The following ZNF766 variants were observed in gnomAD, a reference collection of about 807,000 sequenced individuals.
ZNF766 encodes the protein zinc finger protein 766.
In ZNF766, 13 loss-of-function variants were observed where a neutral mutation model predicts 13.2. The observed-to-expected ratio is 0.98, with a 90% confidence interval of 0.64 to 1.56. ZNF766 has a LOEUF of 1.56. Among genes scored for constraint, ZNF766 ranks in the 40% most tolerant of loss-of-function variants. The probability of loss-of-function intolerance (pLI) is 0.00; values close to 1 mark genes in which losing one functional copy is unlikely to be tolerated. For synonymous variants in ZNF766, 178 were observed against 187.6 expected (o/e 0.95, Z 0.42); for missense variants, 521 against 552.2 (o/e 0.94, Z 0.57).
At chr19:52,286,099 T>G in intron 3 of ZNF766, among the ~76,000 whole-genome samples, 1 of 134,756 alleles carries the variant, frequency 7.4e-6, no homozygotes, top group African/African-American at 2.8e-5. Flanking sequence ...TTAAATGATA[T>G]AAGACCAGAG....
chr19:52,287,125 G>A (rs1030324399), intron 3 of ZNF766, among the ~76,000 whole-genome samples: 4 of 150,218 alleles, frequency 2.7e-5, no homozygotes, highest in South Asian at 2.1e-4. Context: ...GTGAGCCACC[G>A]TGCCCGACCT....
chr19:52,273,255 G>A (rs991625041), intron 1 of ZNF766, among the ~76,000 whole-genome samples: 3 of 152,126 alleles, frequency 2.0e-5, no homozygotes, highest in African/African-American at 7.2e-5. Context: ...TGATCTGCCC[G>A]CCTTGGCCTC....
chr19:52,273,878 C>T (rs1568615999), intron 1 of ZNF766, among the ~76,000 whole-genome samples: 2 of 152,206 alleles, frequency 1.3e-5, no homozygotes, highest in Non-Finnish European at 2.9e-5. Flanking sequence ...TGCAGATACA[C>T]ATCTTGTGCC....
intron 2 of ZNF766, chr19:52,282,451 A>C (rs1981577917): frequency 2.7e-6 from 1 of 365,698 alleles, no homozygotes; most frequent in East Asian, 7.1e-5. Context: ...ACCTGACCAA[A>C]ATGATAAAAC....
chr19:52,294,308 C>T lies in ZNF766; in HGVS notation c.*3110C>T, dbSNP rs893789839. The T allele has an allele frequency of 6.6e-6, 1 of 152,194 alleles. No individual in the cohort carries two copies. The highest frequency in any genetic ancestry group is 2.4e-5 in the African/African-American group (1 of 41,454). 9.4% of individuals were successfully genotyped at this position (152,194 alleles called of 1,614,324 possible). On this transcript the variant is annotated 3_prime_UTR_variant, in exon 4 of 4. Transcript: ENST00000439461. Reference sequence around the variant, plus strand: ...GCTTTGGTAGATTAACTAGAAACTTCACATTTTCACCCTTATAACCTTTTT... The same window carrying T: ...GCTTTGGTAGATTAACTAGAAACTTTACATTTTCACCCTTATAACCTTTTT...
rs1166742156 is a variant in ZNF766 at position 52,295,740 on chromosome 19, G to A, written c.*4542G>A. On this transcript the variant is annotated 3_prime_UTR_variant, in exon 4 of 4. Transcript: ENST00000439461. Reference sequence around the variant, plus strand: ...TTTATTTTATTATTTATTTTTTTGAGATGGAGTTTCACTCTTGTTGCCTAA... The same window carrying A: ...TTTATTTTATTATTTATTTTTTTGAAATGGAGTTTCACTCTTGTTGCCTAA... 2.6e-5 allele frequency: 4 copies of A among 151,844 alleles called. No individual in the cohort carries two copies. The highest frequency in any genetic ancestry group is 5.9e-5 in the Non-Finnish European group (4 of 68,014). 9.4% of individuals were successfully genotyped at this position (151,844 alleles called of 1,614,324 possible).
intron 3 of ZNF766, among the ~76,000 whole-genome samples, chr19:52,286,473 G>T (rs118157990): frequency 6.6e-6 from 1 of 151,734 alleles, no homozygotes; most frequent in Non-Finnish European, 1.5e-5. Context: ...GTGGAGTTTC[G>T]CTGTGTTAGC....
At chr19:52,271,410 T>C (rs1156498172) in intron 1 of ZNF766, among the ~76,000 whole-genome samples, 1 of 152,006 alleles carries the variant, frequency 6.6e-6, no homozygotes, top group African/African-American at 2.4e-5. Flanking sequence ...CACATTTCCA[T>C]CTCAACCAGT....
chr19:52,280,602 A>G (rs1239897657), intron 1 of ZNF766, among the ~76,000 whole-genome samples: 4 of 151,990 alleles, frequency 2.6e-5, no homozygotes, highest in South Asian at 2.1e-4. Flanking sequence ...CATTTTTTTG[A>G]AACTGAGTCT....
rs535617887 is a variant in ZNF766 at position 52,283,991 on chromosome 19, C to G, written c.274+578C>G. 2.0e-3 allele frequency among the ~76,000 whole-genome samples: 312 copies of G among 152,308 alleles called. 1 individual carries two copies. Among genetic ancestry groups the G allele is most frequent in the African/African-American group, 6.8e-3 (283 of 41,562 alleles). On this transcript the variant is annotated intron_variant, in intron 3 of 3. Coordinates refer to ENST00000439461, the MANE Select transcript of ZNF766 (RefSeq NM_001010851.3). ...GACCTCGTGATCCGCCCGCCTTGGC[C>G]TCCGAAAGTGCTGGGATTATGGTGT...
In ZNF766 at chr19:52,292,734, CCTT is replaced by C. The variant is rs1982206415; in HGVS notation, c.*1540_*1542del. 6.6e-6 allele frequency: 1 copy of C among 152,156 alleles called. No homozygotes were observed. Among genetic ancestry groups the C allele is most frequent in the South Asian group, 2.1e-4 (1 of 4,832 alleles). 9.4% of individuals were successfully genotyped at this position (152,156 alleles called of 1,614,324 possible). On this transcript the variant is annotated 3_prime_UTR_variant, in exon 4 of 4. Transcript: ENST00000439461. ...AATTTTCCAAAGTGTGAATGATTTA[CCTT>C]CTTTCTACCAATATTGTTTTATCTC...
At chr19:52,277,159 A>G (rs1362055666) in intron 1 of ZNF766, 2 of 1,095,822 alleles carry the variant, frequency 1.8e-6, no homozygotes, top group Admixed American at 9.5e-5. Context: ...TTCAGGATTG[A>G]CTTCTAAAGA....
intron 1 of ZNF766, among the ~76,000 whole-genome samples, chr19:52,275,915 A>G (rs1250798740): frequency 6.6e-6 from 1 of 152,156 alleles, no homozygotes; most frequent in Non-Finnish European, 1.5e-5. Flanking sequence ...TCCTGACCTC[A>G]GATGATCCAC....
At position 52,281,792 on chromosome 19, in the gene ZNF766, G is replaced by A. The variant is rs138691527; in HGVS notation, c.19-319G>A. On this transcript the variant is annotated intron_variant, in intron 1 of 3. Transcript: ENST00000439461. ...TATAGAAGTGTTAGGTATTATGTTC[G>A]ACACACCAAGTGATATTCATTGTCT... 1,116 of 514,112 alleles carry A rather than the reference G, an allele frequency of 2.2e-3. 8 individuals are homozygous for A. The highest frequency in any genetic ancestry group is 4.3e-3 in the African/African-American group (225 of 51,888). 31.8% of individuals were successfully genotyped at this position (514,112 alleles called of 1,614,324 possible). A position where few individuals can be genotyped will look rare whatever the true frequency, so the allele number is the denominator to read the frequency against.
In ZNF766 at chr19:52,293,427, G is replaced by C. The variant is rs568397163; in HGVS notation, c.*2229G>C. 4 of 152,044 alleles carry C rather than the reference G, an allele frequency of 2.6e-5. No homozygotes were observed. In the East Asian group the frequency reaches 7.7e-4, roughly 29 times the overall value. 9.4% of individuals were successfully genotyped at this position (152,044 alleles called of 1,614,324 possible). ...TGACCTCGGGTGATCCAGCCACCTC[G>C]GGTTCCCGAAGTGCTAAGATTACAG... is the stretch of plus-strand genomic sequence containing the variant. On this transcript the variant is annotated 3_prime_UTR_variant, in exon 4 of 4. Coordinates refer to ENST00000439461, the MANE Select transcript of ZNF766 (RefSeq NM_001010851.3).
Position 52,290,351 on chromosome 19 carries a change from A to G in ZNF766, c.560A>G (p.Tyr187Cys). Residue 187 changes from tyrosine (Y) to cysteine (C), a missense_variant, in exon 4 of 4, where the codon TAC becomes TGC. Physicochemically the swap from Tyr to Cys is radical, Grantham distance 194. Transcript: ENST00000439461. ...EQKAHIRRKP[Y>C]ECNEQGKVFR... is the part of the protein sequence containing the mutation. ...AAAGCACACATTAGGAGAAAACCTT[A>G]CGAATGTAATGAGCAGGGCAAAGTC... The G allele has an allele frequency of 1.9e-6, 3 of 1,614,146 alleles. No homozygotes were observed. Among genetic ancestry groups the G allele is most frequent in the Non-Finnish European group, 1.7e-6 (2 of 1,180,040 alleles).
At chr19:52,282,752 A>G (rs1341529232) in intron 2 of ZNF766, among the ~76,000 whole-genome samples, 1 of 152,156 alleles carries the variant, frequency 6.6e-6, no homozygotes, top group African/African-American at 2.4e-5. Context: ...TTTGGGTGGT[A>G]CCTGGGCTTA....
rs963832277 is a variant in ZNF766, at chr19:52,293,456, T to C, written c.*2258T>C. On this transcript the variant is annotated 3_prime_UTR_variant, in exon 4 of 4. Coordinates refer to ENST00000439461, the MANE Select transcript of ZNF766 (RefSeq NM_001010851.3). ...TCCCGAAGTGCTAAGATTACAGGCA[T>C]GAGCCACGGCGCCTGGCCAGGATTT... is the stretch of plus-strand genomic sequence containing the variant. 3 of 152,128 alleles carry C rather than the reference T, an allele frequency of 2.0e-5. No individual in the cohort carries two copies. The highest frequency in any genetic ancestry group is 7.2e-5 in the African/African-American group (3 of 41,410). 9.4% of individuals were successfully genotyped at this position (152,128 alleles called of 1,614,324 possible).
chr19:52,288,315 C>T (rs2122489141), intron 3 of ZNF766, among the ~76,000 whole-genome samples: 1 of 152,136 alleles, frequency 6.6e-6, no homozygotes, highest in African/African-American at 2.4e-5. Context: ...GCCACCGTGC[C>T]TGGTCGTGTT....
Sources: allele counts gnomAD v4.1 joint callset (sites outside exome capture counted in the v4.1 genomes callset), GRCh38; gene constraint gnomAD v4.1.1; transcripts MANE v1.5; gene names NCBI Gene and HGNC (gene_info 2026-07-23, HGNC 2026-07-21).